FGF12: variants seen among roughly 807,000 people sequenced by gnomAD.
The protein encoded by FGF12 is fibroblast growth factor 12, also known as fibroblast growth factor 12B.
Under a neutral mutation model 23.6 loss-of-function variants are expected in FGF12, and 14 were observed. The observed-to-expected ratio is 0.59, with a 90% CI of 0.39 to 0.93. The LOEUF (loss-of-function observed/expected upper bound fraction) is 0.93, where lower values mean the gene tolerates loss of function less well. Among genes scored for constraint, FGF12 ranks in the 40% least tolerant of loss-of-function variants. The pLI, the probability that FGF12 is intolerant of heterozygous loss-of-function variation, is 0.00. For synonymous variants in FGF12, 62 were observed against 77.3 expected (o/e 0.80, Z 1.04); for missense variants, 175 against 217.8 (o/e 0.80, Z 1.24).
intron 2 of FGF12, among the ~76,000 whole-genome samples, chr3:192,657,441 T>C (rs1410685685): frequency 1.3e-5 from 2 of 148,834 alleles, no homozygotes; most frequent in East Asian, 4.0e-4. Flanking sequence ...AACAGAGAAC[T>C]ATTAGAACTG....
chr3:192,576,821 G>A (rs1337504471), intron 2 of FGF12, among the ~76,000 whole-genome samples: 1 of 152,156 alleles, frequency 6.6e-6, no homozygotes, highest in Non-Finnish European at 1.5e-5. Flanking sequence ...GCCCATCAGT[G>A]ATAGACTGGA....
intron 4 of FGF12, among the ~76,000 whole-genome samples, chr3:192,276,582 T>C (rs1430050771): frequency 6.6e-6 from 1 of 152,158 alleles, no homozygotes. Context: ...GAATCCAATC[T>C]TTTTCTGTCC....
chr3:192,324,794 G>T (rs963647601), intron 4 of FGF12, among the ~76,000 whole-genome samples: 1 of 152,104 alleles, frequency 6.6e-6, no homozygotes, highest in Non-Finnish European at 1.5e-5. Flanking sequence ...AGATGGAAAA[G>T]AAAAATATAA....
chr3:192,356,603 T>A lies in FGF12; in HGVS notation c.124+3825A>T, dbSNP rs893697390. Among the ~76,000 whole-genome samples, 5 of 152,328 alleles carry A rather than the reference T, an allele frequency of 3.3e-5. No individual in the cohort carries two copies. The East Asian group carries it at 9.6e-4, about 29-fold the overall frequency. The stretch of plus-strand genomic sequence containing the variant: ...TGCCGACAAATCCATTTGTGTTTTG[T>A]ACTCAATTACATATAATTAGTCTTT... On this transcript the variant is annotated intron_variant, in intron 3 of 5. Coordinates refer to ENST00000445105, the MANE Select transcript of FGF12 (RefSeq NM_004113.6).
Position 192,335,345 on chromosome 3 carries a change from A to G in FGF12, c.228+16T>C. 1 of 1,531,384 alleles carries G rather than the reference A, an allele frequency of 6.5e-7. No individual in the cohort carries two copies. Among genetic ancestry groups the G allele is most frequent in the Non-Finnish European group, 9.0e-7 (1 of 1,105,420 alleles). 94.9% of individuals were successfully genotyped at this position (1,531,384 alleles called of 1,614,324 possible). On this transcript the variant is annotated intron_variant, in intron 4 of 5. Transcript: ENST00000445105. The stretch of plus-strand genomic sequence containing the variant: ...TTCACACACATACACACAAATACAC[A>G]CTACAATGTACTTACTGAACTGTAG...
intron 2 of FGF12, among the ~76,000 whole-genome samples, chr3:192,561,881 A>T (rs1712052733): frequency 6.6e-6 from 1 of 151,864 alleles, no homozygotes; most frequent in South Asian, 2.1e-4. Flanking sequence ...AGAAGTTAAA[A>T]CATGGCAAAA....
At chr3:192,608,551 A>C (rs745963434) in intron 2 of FGF12, among the ~76,000 whole-genome samples, 23 of 152,114 alleles carry the variant, frequency 1.5e-4, no homozygotes, top group Non-Finnish European at 3.2e-4. Context: ...TTTATATGGA[A>C]TTTATTCTCC....
rs1717426093 is a variant in FGF12, at chr3:192,336,554, G to C, written c.125-1090C>G. 6.6e-6 allele frequency among the ~76,000 whole-genome samples: 1 copy of C among 151,252 alleles called. No homozygotes were observed. Among genetic ancestry groups the C allele is most frequent in the African/African-American group, 2.4e-5 (1 of 41,376 alleles). On this transcript the variant is annotated intron_variant, in intron 3 of 5. Transcript: ENST00000445105. This position sits in a 1 kb window ranked among gnomAD's most constrained non-coding sequence, Gnocchi z 4.3. ...GTTAGGCTCTATAGATGGCAACATG[G>C]AGATGAATTAAGTATCTCACGGCTG...
At chr3:192,613,379 C>A (rs1000561087) in intron 2 of FGF12, among the ~76,000 whole-genome samples, 4 of 151,844 alleles carry the variant, frequency 2.6e-5, no homozygotes, top group African/African-American at 9.7e-5. Context: ...ATATCTTGCT[C>A]TGTTTTATTT....
At chr3:192,156,232 T>C (rs939980535) in intron 5 of FGF12, among the ~76,000 whole-genome samples, 2 of 152,178 alleles carry the variant, frequency 1.3e-5, no homozygotes, top group Admixed American at 1.3e-4. Context: ...ACTCCCTATC[T>C]TTCTTGTCTT....
chr3:192,557,805 T>C (rs1327108218), intron 2 of FGF12, among the ~76,000 whole-genome samples: 1 of 151,678 alleles, frequency 6.6e-6, no homozygotes, highest in Admixed American at 6.6e-5. Context: ...AATAACAAAA[T>C]GAAGGGTAAT....
intron 4 of FGF12, among the ~76,000 whole-genome samples, chr3:192,262,976 A>G (rs1055434801): frequency 6.6e-6 from 1 of 152,094 alleles, no homozygotes; most frequent in Non-Finnish European, 1.5e-5. Flanking sequence ...AAAAAGGCAT[A>G]ATACCTCAAA....
At chr3:192,535,262 A>G (rs984237067) in intron 2 of FGF12, among the ~76,000 whole-genome samples, 4 of 152,212 alleles carry the variant, frequency 2.6e-5, no homozygotes, top group Non-Finnish European at 4.4e-5. Flanking sequence ...AGTACTGTAT[A>G]ACATCTTTTT....
At chr3:192,447,148 C>T (rs1722378131) in intron 2 of FGF12, among the ~76,000 whole-genome samples, 1 of 152,176 alleles carries the variant, frequency 6.6e-6, no homozygotes, top group South Asian at 2.1e-4. Flanking sequence ...GAAAGGAAAT[C>T]ACAGCCACTC....
chr3:192,252,133 G>A (rs755284795), intron 4 of FGF12, among the ~76,000 whole-genome samples: 3 of 151,904 alleles, frequency 2.0e-5, no homozygotes, highest in African/African-American at 2.4e-5. Flanking sequence ...ACTAAATTTT[G>A]TATTCTCTAG....
At chr3:192,671,520 G>A (rs1205781964) in intron 2 of FGF12, among the ~76,000 whole-genome samples, 1 of 152,138 alleles carries the variant, frequency 6.6e-6, no homozygotes, top group Non-Finnish European at 1.5e-5. Context: ...AGACGCATGG[G>A]ACTAATAGGC....
chr3:192,576,871 C>A (rs867286295), intron 2 of FGF12, among the ~76,000 whole-genome samples: 1 of 152,102 alleles, frequency 6.6e-6, no homozygotes, highest in African/African-American at 2.4e-5. Context: ...GAATACTATG[C>A]AGCCATAAAA....
chr3:192,557,974 T>C (rs2108591806), intron 2 of FGF12, among the ~76,000 whole-genome samples: 1 of 151,940 alleles, frequency 6.6e-6, no homozygotes, highest in South Asian at 2.1e-4. Context: ...TATTCAATGG[T>C]AAAAAATTGA....
intron 4 of FGF12, among the ~76,000 whole-genome samples, chr3:192,190,483 TTTTTTTTTTTG>T: frequency 7.4e-6 from 1 of 136,034 alleles, no homozygotes; most frequent in African/African-American, 3.1e-5. Context: ...TTTTTTTTTT[TTTTTTTTTTTG>T]AGACTGAGTC....
Sources: gnomAD v4.1 joint callset for allele counts (sites outside exome capture counted in the v4.1 genomes callset) on GRCh38, gnomAD v4.1.1 for gene constraint, Gnocchi (gnomAD v3.1) non-coding constraint, MANE v1.5 for transcripts, NCBI Gene and HGNC (gene_info 2026-07-23, HGNC 2026-07-21) for gene names.